LIMD1: variants seen among roughly 807,000 people sequenced by gnomAD.
LIMD1 encodes the protein LIM domain-containing protein 1.
LIMD1 carries 23 observed loss-of-function variants against 58.4 expected under a neutral mutation model. The observed-to-expected ratio is 0.39, with a 90% CI of 0.28 to 0.56. The LOEUF is 0.56. Ranked by LOEUF, LIMD1 falls within the 20% of genes least tolerant of loss-of-function variation. The probability of loss-of-function intolerance (pLI) is 0.57; values close to 1 mark genes in which losing one functional copy is unlikely to be tolerated. For synonymous variants in LIMD1, 334 were observed against 345.5 expected (o/e 0.97, Z 0.37); for missense variants, 838 against 855.5 (o/e 0.98, Z 0.25).
rs1230455689 is a variant in LIMD1 at position 45,686,032 on chromosome 3, A to C, written c.*8973A>C. 6.6e-6 allele frequency: 1 copy of C among 152,170 alleles called. No homozygotes were observed. Among genetic ancestry groups the C allele is most frequent in the Non-Finnish European group, 1.5e-5 (1 of 68,040 alleles). The allele number at this position is 152,170 out of a possible 1,614,324, so 9.4% of individuals were successfully genotyped here. On this transcript the variant is annotated 3_prime_UTR_variant, in exon 8 of 8. Coordinates refer to ENST00000273317, the MANE Select transcript of LIMD1 (RefSeq NM_014240.3). The stretch of plus-strand genomic sequence containing the variant: ...TCCAAGAATGCAATTAACTGATAAG[A>C]TACTGTGGCAAGCTATATCCGCAAT...
chr3:45,625,734 A>G (rs1214060850), intron 1 of LIMD1, among the ~76,000 whole-genome samples: 1 of 152,152 alleles, frequency 6.6e-6, no homozygotes, highest in Admixed American at 6.5e-5. Flanking sequence ...TCTCTTGCAC[A>G]TGCTTTCACC....
At chr3:45,657,403 G>A (rs1697350769) in intron 2 of LIMD1, among the ~76,000 whole-genome samples, 2 of 151,910 alleles carry the variant, frequency 1.3e-5, no homozygotes, top group South Asian at 2.1e-4. Context: ...ACTCACACCT[G>A]TAATCTCAAC....
At chr3:45,673,057 GA>G (rs1697614967) in intron 5 of LIMD1, among the ~76,000 whole-genome samples, 1 of 151,838 alleles carries the variant, frequency 6.6e-6, no homozygotes, top group African/African-American at 2.4e-5. Flanking sequence ...ACAGAGCACA[GA>G]AAAACTAATA....
intron 2 of LIMD1, among the ~76,000 whole-genome samples, chr3:45,641,193 G>A (rs36002900): frequency 0.22 from 33,245 of 152,050 alleles, 4,186 homozygotes; most frequent in Non-Finnish European, 0.29. Context: ...GCAGACAGGG[G>A]AAGAATTTCT....
At chr3:45,662,590 C>G (rs975433529) in intron 2 of LIMD1, among the ~76,000 whole-genome samples, 1 of 151,938 alleles carries the variant, frequency 6.6e-6, no homozygotes, top group Admixed American at 6.6e-5. Context: ...ATCTTGATTC[C>G]TTTTCCCATC....
chr3:45,653,743 C>G (rs1346684718), intron 2 of LIMD1, among the ~76,000 whole-genome samples: 1 of 151,842 alleles, frequency 6.6e-6, no homozygotes, highest in African/African-American at 2.4e-5. Context: ...AACCCCATCT[C>G]TACTAAAAAT....
intron 2 of LIMD1, among the ~76,000 whole-genome samples, chr3:45,642,903 G>T (rs1160849770): frequency 6.6e-6 from 1 of 152,192 alleles, no homozygotes; most frequent in Non-Finnish European, 1.5e-5. Flanking sequence ...TTGCCGTGGA[G>T]ATGAGTGCTG....
At chr3:45,606,719 T>G (rs1701471110) in intron 1 of LIMD1, among the ~76,000 whole-genome samples, 1 of 152,222 alleles carries the variant, frequency 6.6e-6, no homozygotes, top group South Asian at 2.1e-4. Context: ...CCCTTGGGCG[T>G]GAGCAAGATG....
chr3:45,634,888 A>G (rs1462114085), intron 1 of LIMD1: 1 of 152,208 alleles, frequency 6.6e-6, no homozygotes, highest in Non-Finnish European at 1.5e-5. Flanking sequence ...CATTAATCCA[A>G]ACTACAGGAG....
intron 2 of LIMD1, among the ~76,000 whole-genome samples, chr3:45,643,500 A>G (rs1284550479): frequency 2.0e-5 from 3 of 151,634 alleles, no homozygotes; most frequent in Non-Finnish European, 4.4e-5. Context: ...AAAAAAAAAG[A>G]ATGGTCTGTG....
chr3:45,639,837 A>G (rs1485293972), intron 2 of LIMD1, among the ~76,000 whole-genome samples: 1 of 152,066 alleles, frequency 6.6e-6, no homozygotes, highest in Non-Finnish European at 1.5e-5. Flanking sequence ...TAATTTTTGT[A>G]TTTTTAGTAG....
At chr3:45,650,475 A>G (rs1216472761) in intron 2 of LIMD1, among the ~76,000 whole-genome samples, 2 of 150,484 alleles carry the variant, frequency 1.3e-5, no homozygotes, top group Non-Finnish European at 2.9e-5. Flanking sequence ...TCCTAATGCT[A>G]TCCCTCCCCC....
At chr3:45,618,892 A>G (rs904526411) in intron 1 of LIMD1, among the ~76,000 whole-genome samples, 1 of 152,186 alleles carries the variant, frequency 6.6e-6, no homozygotes, top group Non-Finnish European at 1.5e-5. Flanking sequence ...AGGTTCAGCA[A>G]GAGTGGACCC....
rs17078171 is a variant in LIMD1, at chr3:45,665,228, A to G, written c.1511-422A>G. On this transcript the variant is annotated intron_variant, in intron 2 of 7. Transcript: ENST00000273317. ...AGGACTCTCCTGATAGGCGGTCACA[A>G]TGGTCCTGGAGCATATGTCCAAGGT... Among the ~76,000 whole-genome samples, 575 of 152,042 alleles carry G rather than the reference A, an allele frequency of 3.8e-3. 1 individual carries two copies. The highest frequency in any genetic ancestry group is 0.013 in the African/African-American group (553 of 41,484).
At chr3:45,676,366 T>G (rs1313636906) in intron 7 of LIMD1, among the ~76,000 whole-genome samples, 1 of 150,368 alleles carries the variant, frequency 6.7e-6, no homozygotes, top group Non-Finnish European at 1.5e-5. Context: ...AAGGGATACG[T>G]GTGAAGATTT....
chr3:45,609,896 G>A (rs1701506939), intron 1 of LIMD1, among the ~76,000 whole-genome samples: 7 of 152,132 alleles, frequency 4.6e-5, no homozygotes. Context: ...GTACCCAGTG[G>A]AAACTTACTG....
chr3:45,667,427 A>G (rs1212003582), intron 3 of LIMD1, among the ~76,000 whole-genome samples: 1 of 151,752 alleles, frequency 6.6e-6, no homozygotes, highest in Non-Finnish European at 1.5e-5. Context: ...GACAACAGAA[A>G]CCTCCACCAC....
chr3:45,637,835 A>G (rs1211777419), intron 2 of LIMD1, among the ~76,000 whole-genome samples: 1 of 152,170 alleles, frequency 6.6e-6, no homozygotes, highest in African/African-American at 2.4e-5. Flanking sequence ...CCTCACTGCA[A>G]TTTGCCTTAG....
rs564113858 is a variant in LIMD1, at chr3:45,600,113, C to T, written c.1408+3826C>T. Among the ~76,000 whole-genome samples the T allele has an allele frequency of 3.2e-4, 49 of 152,294 alleles. 1 individual carries two copies. In the South Asian group the frequency reaches 5.8e-3, roughly 18 times the overall value. ...CTTGAAAGATTTTGTCTACCCAACACGCTACATTTGTTAAATAATGGTTAG... is the reference window on the plus strand; with the variant it reads ...CTTGAAAGATTTTGTCTACCCAACATGCTACATTTGTTAAATAATGGTTAG... On this transcript the variant is annotated intron_variant, in intron 1 of 7. Coordinates refer to ENST00000273317, the MANE Select transcript of LIMD1 (RefSeq NM_014240.3).
Sources: allele counts gnomAD v4.1 joint callset (sites outside exome capture counted in the v4.1 genomes callset), GRCh38; gene constraint gnomAD v4.1.1; transcripts MANE v1.5; gene names NCBI Gene and HGNC (gene_info 2026-07-23, HGNC 2026-07-21).